The following CLEC16A variants were observed in gnomAD, a reference collection of about 807,000 sequenced individuals.
CLEC16A encodes protein CLEC16A.
CLEC16A carries 51 observed loss-of-function variants against 109.5 expected under a neutral mutation model. That is an observed-to-expected ratio of 0.47 (90% CI 0.37 to 0.59). The LOEUF is 0.59. Among genes scored for constraint, CLEC16A ranks in the 20% least tolerant of loss-of-function variants. The pLI, the probability that CLEC16A is intolerant of heterozygous loss-of-function variation, is 0.00. For synonymous variants in CLEC16A, 673 were observed against 564.2 expected, an observed-to-expected ratio of 1.19 and a Z score of -2.73; for missense variants, 1,339 against 1,394.0, an observed-to-expected ratio of 0.96 and a Z score of 0.63.
chr16:11,153,660 G>A (rs903619825), intron 22 of CLEC16A, among the ~76,000 whole-genome samples: 8 of 151,140 alleles, frequency 5.3e-5, no homozygotes, highest in African/African-American at 9.7e-5. Context: ...AAAAGGAAAA[G>A]CATTCCTTCT....
chr16:10,974,951 A>G (rs2146474566), intron 7 of CLEC16A, among the ~76,000 whole-genome samples: 1 of 152,354 alleles, frequency 6.6e-6, no homozygotes, highest in African/African-American at 2.4e-5. Context: ...GATAATACCT[A>G]AAATGGCTCA....
intron 22 of CLEC16A, chr16:11,136,370 T>C (rs1242234917): frequency 6.6e-6 from 1 of 152,234 alleles, no homozygotes; most frequent in African/African-American, 2.4e-5. Flanking sequence ...CATTAGGCTC[T>C]TGTGACATAA....
intron 19 of CLEC16A, among the ~76,000 whole-genome samples, chr16:11,117,819 T>C (rs1425386800): frequency 6.6e-6 from 1 of 152,218 alleles, no homozygotes; most frequent in Non-Finnish European, 1.5e-5. Context: ...ATTTAGGTTG[T>C]TTCCGGACTG....
chr16:11,002,704 GT>G (rs974456751), intron 10 of CLEC16A, among the ~76,000 whole-genome samples: 1 of 152,040 alleles, frequency 6.6e-6, no homozygotes, highest in Non-Finnish European at 1.5e-5. Context: ...CTGCTGCCAT[GT>G]GCACATGTTA....
intron 22 of CLEC16A, among the ~76,000 whole-genome samples, chr16:11,157,875 T>C (rs570432080): frequency 1.2e-3 from 188 of 152,264 alleles, no homozygotes; most frequent in African/African-American, 4.2e-3. Flanking sequence ...AGCCCCCGCC[T>C]GCCCTCGGGT....
chr16:11,035,745 G>T (rs1247325918), intron 13 of CLEC16A, among the ~76,000 whole-genome samples: 1 of 152,254 alleles, frequency 6.6e-6, no homozygotes. Flanking sequence ...CATCTTAGCA[G>T]AATCCTCTCC....
At chr16:11,095,795 T>C (rs1434451170) in intron 19 of CLEC16A, among the ~76,000 whole-genome samples, 1 of 112,046 alleles carries the variant, frequency 8.9e-6, no homozygotes, top group African/African-American at 3.5e-5. Flanking sequence ...CTGGGTGACA[T>C]AGCAAAACTC....
In CLEC16A at chr16:10,944,621, C is replaced by G; in HGVS notation, c.-97C>G. Reference sequence around the variant, plus strand: ...CTCGCGGTTCCTCCACCGCCTCCGCCGCCGCATCCTCCGCTTGTGCTACCG... The same window carrying G: ...CTCGCGGTTCCTCCACCGCCTCCGCGGCCGCATCCTCCGCTTGTGCTACCG... On this transcript the variant is annotated 5_prime_UTR_variant, in exon 1 of 24. Coordinates refer to ENST00000409790, the MANE Select transcript of CLEC16A (RefSeq NM_015226.3). 3 of 1,205,792 alleles carry G rather than the reference C, an allele frequency of 2.5e-6. No homozygotes were observed. The African/African-American group carries it at 4.5e-5, about 18-fold the overall frequency. 74.7% of individuals were successfully genotyped at this position (1,205,792 alleles called of 1,614,324 possible). A position where few individuals can be genotyped will look rare whatever the true frequency, so the allele number is the denominator to read the frequency against.
intron 10 of CLEC16A, among the ~76,000 whole-genome samples, chr16:10,991,649 A>T (rs551998595): frequency 5.3e-5 from 8 of 152,122 alleles, no homozygotes; most frequent in Non-Finnish European, 1.2e-4. Context: ...TTGTGTCCCC[A>T]TGTCTAGCAT....
At position 11,178,699 on chromosome 16, in the gene CLEC16A, C is replaced by T. The variant is rs200572392; in HGVS notation, c.*9C>T. 44 of 1,463,422 alleles carry T rather than the reference C, an allele frequency of 3.0e-5. No individual in the cohort carries two copies. The highest frequency in any genetic ancestry group is 2.2e-4 in the Middle Eastern group (1 of 4,462). The allele number at this position is 1,463,422 out of a possible 1,614,324, so 90.7% of individuals were successfully genotyped here. A position where few individuals can be genotyped will look rare whatever the true frequency, so the allele number is the denominator to read the frequency against. On this transcript the variant is annotated 3_prime_UTR_variant, in exon 24 of 24. Coordinates refer to ENST00000409790, the MANE Select transcript of CLEC16A (RefSeq NM_015226.3). The surrounding 1 kb of genome is among the most constrained non-coding windows in gnomAD (Gnocchi z 6.5). Reference sequence around the variant, plus strand: ...GCACCGCTGAGGACTGAGTCAGTGCCGGGGCCTCCCTTTGTGTGTGTGGCC... The same window carrying T: ...GCACCGCTGAGGACTGAGTCAGTGCTGGGGCCTCCCTTTGTGTGTGTGGCC...
intron 19 of CLEC16A, among the ~76,000 whole-genome samples, chr16:11,096,314 C>T (rs1239325530): frequency 6.6e-6 from 1 of 152,044 alleles, no homozygotes; most frequent in African/African-American, 2.4e-5. Context: ...CACCGCACTC[C>T]ATCCTGGGTG....
intron 19 of CLEC16A, among the ~76,000 whole-genome samples, chr16:11,113,526 G>A (rs1169822084): frequency 6.6e-6 from 1 of 151,940 alleles, no homozygotes; most frequent in East Asian, 1.9e-4. Context: ...GGCATGGATG[G>A]TGCATGCCTT....
rs569457358 is a variant in CLEC16A at position 11,078,829 on chromosome 16, C to G, written c.2116+17807C>G. 1.1e-4 allele frequency among the ~76,000 whole-genome samples: 16 copies of G among 152,290 alleles called. 1 individual carries two copies. The South Asian group carries it at 3.3e-3, about 32-fold the overall frequency. On this transcript the variant is annotated intron_variant, in intron 19 of 23. Coordinates refer to ENST00000409790, the MANE Select transcript of CLEC16A (RefSeq NM_015226.3). ...GATTCCCATCTGCCCCTAAGGTTCC[C>G]TCATGGGTCTGGCAGCCCGAGAGGC...
At chr16:11,094,030 CAT>C (rs758369206) in intron 19 of CLEC16A, among the ~76,000 whole-genome samples, 6 of 152,156 alleles carry the variant, frequency 3.9e-5, no homozygotes, top group Non-Finnish European at 8.8e-5. Context: ...CAGGTCCTAT[CAT>C]GTGCTTGTAG....
chr16:11,067,353 C>T (rs921921111), intron 19 of CLEC16A, among the ~76,000 whole-genome samples: 15 of 60,052 alleles, frequency 2.5e-4, no homozygotes, highest in East Asian at 9.9e-4. Context: ...GAGCAGGTGA[C>T]GGGGTTTAAC....
At chr16:10,983,966 A>G (rs1444394452) in intron 10 of CLEC16A, among the ~76,000 whole-genome samples, 3 of 145,522 alleles carry the variant, frequency 2.1e-5, no homozygotes, top group Admixed American at 2.0e-4. Context: ...GCTGCAGCTG[A>G]TTCAGTGACA....
At chr16:11,073,187 C>G (rs138386357) in intron 19 of CLEC16A, among the ~76,000 whole-genome samples, 1 of 152,280 alleles carries the variant, frequency 6.6e-6, no homozygotes, top group African/African-American at 2.4e-5. Flanking sequence ...TTTTGTGGCA[C>G]TTTGGCCTGT....
At chr16:10,959,843 G>A (rs1308777372) in intron 2 of CLEC16A, among the ~76,000 whole-genome samples, 1 of 151,098 alleles carries the variant, frequency 6.6e-6, no homozygotes, top group African/African-American at 2.4e-5. Flanking sequence ...AAACTCCTGA[G>A]CTCAAACGAT....
chr16:10,987,117 A>G (rs2043715600), intron 10 of CLEC16A, among the ~76,000 whole-genome samples: 1 of 151,638 alleles, frequency 6.6e-6, no homozygotes, highest in South Asian at 2.1e-4. Context: ...TAGCCTCCCA[A>G]TGTGCTGGGA....
Sources: allele counts gnomAD v4.1 joint callset (sites outside exome capture counted in the v4.1 genomes callset), GRCh38; gene constraint gnomAD v4.1.1; non-coding constraint Gnocchi (gnomAD v3.1); transcripts MANE v1.5; gene names NCBI Gene and HGNC (gene_info 2026-07-23, HGNC 2026-07-21).